The following KANK2 variants were observed in gnomAD, a reference collection of about 807,000 sequenced individuals.
KANK2 encodes KN motif and ankyrin repeat domains 2, also known as KN motif and ankyrin repeat domain-containing protein 2.
A neutral mutation model predicts 74.6 loss-of-function variants in KANK2; 41 were observed. That is an observed-to-expected ratio of 0.55 (90% CI 0.43 to 0.71). The LOEUF is 0.71. KANK2 is among the 30% of genes least tolerant of loss of function. KANK2 has a pLI of 0.00. For missense variants in KANK2, 1,148 were observed against 1,196.4 expected (o/e 0.96, Z 0.60); for synonymous variants, 537 against 519.0 (o/e 1.03, Z -0.47).
chr19:11,167,244 T>C (rs558864103), intron 12 of KANK2, among the ~76,000 whole-genome samples: 1 of 152,156 alleles, frequency 6.6e-6, no homozygotes, highest in South Asian at 2.1e-4. Context: ...TTTGCGTTTT[T>C]AGTAGAGATG....
intron 3 of KANK2, among the ~76,000 whole-genome samples, chr19:11,194,269 C>A (rs2078952153): frequency 1.3e-5 from 2 of 152,106 alleles, no homozygotes; most frequent in Admixed American, 6.6e-5. Context: ...GGGCTCTATC[C>A]CTCGGCTTAG....
chr19:11,189,268 T>C (rs1311470862), intron 4 of KANK2, among the ~76,000 whole-genome samples: 1 of 151,934 alleles, frequency 6.6e-6, no homozygotes, highest in African/African-American at 2.4e-5. Context: ...AATTGACATA[T>C]TAAAGCCTCA....
At chr19:11,197,181 G>A (rs1285028170) in intron 1 of KANK2, 1 of 152,618 alleles carries the variant, frequency 6.6e-6, no homozygotes. Flanking sequence ...AGGGGAGAGC[G>A]GGCAGAGGGG....
At chr19:11,171,528 CT>C (rs113234764) in intron 10 of KANK2, among the ~76,000 whole-genome samples, 61 of 76,564 alleles carry the variant, frequency 8.0e-4, no homozygotes, top group Admixed American at 1.8e-3. Context: ...ATTTCACCTT[CT>C]TTTTTTTTTT....
At position 11,193,928 on chromosome 19, in the gene KANK2, T is replaced by A; in HGVS notation, c.152A>T (p.Asp51Val). 1 of 1,613,884 alleles carries A rather than the reference T, an allele frequency of 6.2e-7. No individual in the cohort carries two copies. The highest frequency in any genetic ancestry group is 8.5e-7 in the Non-Finnish European group (1 of 1,179,990). ...RLDLDFLKYV[D>V]DIEKGHTLRR... is the part of the protein sequence containing the mutation. ...CAGCGTGTGGCCCTTCTCGATGTCATCCACGTACTTGAGGAAGTCCAGGTC... is the reference window on the plus strand; with the variant it reads ...CAGCGTGTGGCCCTTCTCGATGTCAACCACGTACTTGAGGAAGTCCAGGTC... Residue 51 changes from aspartate to valine, a missense_variant, in exon 4 of 13, where the codon GAT becomes GTT. Physicochemically the swap from Asp to Val is radical, Grantham distance 152. Coordinates refer to ENST00000586659, the MANE Select transcript of KANK2 (RefSeq NM_001136191.3). The surrounding 1 kb of genome is among the most constrained non-coding windows in gnomAD (Gnocchi z 9.6).
chr19:11,192,941 C>CG lies in KANK2; in HGVS notation c.1138dup (p.Arg380ProfsTer27). The CG allele has an allele frequency of 6.2e-7, 1 of 1,614,186 alleles. No individual in the cohort carries two copies. Among genetic ancestry groups the CG allele is most frequent in the Non-Finnish European group, 8.5e-7 (1 of 1,180,024 alleles). ...CATTGTCTCCACCACCTCCTGGCTG[C>CG]GGAACACAGGTGGGCTCTCAGGCCT... On this transcript the variant is annotated frameshift_variant, in exon 4 of 13. Coordinates refer to ENST00000586659, the MANE Select transcript of KANK2 (RefSeq NM_001136191.3). LOFTEE classifies it high-confidence loss of function.
intron 12 of KANK2, among the ~76,000 whole-genome samples, chr19:11,167,064 T>C (rs2078043227): frequency 1.3e-5 from 2 of 152,074 alleles, no homozygotes; most frequent in South Asian, 4.1e-4. Context: ...GGACCCTGGC[T>C]TTTTCTTTTC....
intron 4 of KANK2, among the ~76,000 whole-genome samples, chr19:11,184,816 CTTTTTTTTT>C (rs1298003696): frequency 7.3e-6 from 1 of 137,884 alleles, no homozygotes; most frequent in Non-Finnish European, 1.6e-5. Context: ...TCTTTTTTTT[CTTTTTTTTT>C]TTTGAGATGA....
At chr19:11,174,328 G>T in intron 9 of KANK2, 145 bp downstream of exon 9, 1 of 681,304 alleles carries the variant, frequency 1.5e-6, no homozygotes. Flanking sequence ...CTGGGAGAGA[G>T]GTGTTCCCTC....
intron 4 of KANK2, among the ~76,000 whole-genome samples, chr19:11,179,672 TA>T (rs2078455969): frequency 6.7e-6 from 1 of 150,342 alleles, no homozygotes; most frequent in Non-Finnish European, 1.5e-5. Context: ...ACATCCTGAC[TA>T]AAAAAACGAA....
chr19:11,175,730 G>A (rs1453755220), intron 8 of KANK2, among the ~76,000 whole-genome samples, 172 bp downstream of exon 8: 1 of 152,138 alleles, frequency 6.6e-6, no homozygotes, highest in Non-Finnish European at 1.5e-5. Context: ...CATCTCCCTG[G>A]CCTCTCTCCG....
rs145753775 is a variant in KANK2, at chr19:11,191,741, C to A, written c.1249+1090G>T. 4.5e-3 allele frequency among the ~76,000 whole-genome samples: 690 copies of A among 152,310 alleles called. 5 individuals are homozygous for A. The highest frequency in any genetic ancestry group is 0.016 in the African/African-American group (650 of 41,564). On this transcript the variant is annotated intron_variant, in intron 4 of 12. Transcript: ENST00000586659. ...CCCAGGGAAAACAAGAAGAGAAAGG[C>A]ACCAAGTTAGATTCCTGATGATATC...
chr19:11,181,829 A>G (rs1250434563), intron 4 of KANK2, among the ~76,000 whole-genome samples: 1 of 152,086 alleles, frequency 6.6e-6, no homozygotes, highest in Non-Finnish European at 1.5e-5. Flanking sequence ...TCCCCAACAA[A>G]TACAAGAAAA....
chr19:11,181,035 C>T (rs1026916692), intron 4 of KANK2, among the ~76,000 whole-genome samples: 8 of 127,372 alleles, frequency 6.3e-5, no homozygotes, highest in African/African-American at 1.8e-4. Context: ...TGCAGTGAGC[C>T]GAGATCATGC....
chr19:11,166,355 G>C lies in KANK2; in HGVS notation c.*203C>G, dbSNP rs932570587. ...TCTGCGCTGTGGCCACTTTGAACAG[G>C]GGAGCCAAGAAAACCCACTTGGAGC... On this transcript the variant is annotated 3_prime_UTR_variant, in exon 13 of 13. Transcript: ENST00000586659. 1 of 579,084 alleles carries C rather than the reference G, an allele frequency of 1.7e-6. No homozygotes were observed. Among genetic ancestry groups the C allele is most frequent in the African/African-American group, 1.9e-5 (1 of 53,284 alleles). The allele number at this position is 579,084 out of a possible 1,614,324, so 35.9% of individuals were successfully genotyped here.
chr19:11,190,207 C>T (rs955513498), intron 4 of KANK2, among the ~76,000 whole-genome samples: 1 of 151,976 alleles, frequency 6.6e-6, no homozygotes, highest in African/African-American at 2.4e-5. Flanking sequence ...CGACCTCGGC[C>T]CAATGCAACC....
chr19:11,193,346 C>A lies in KANK2; in HGVS notation c.734G>T (p.Arg245Leu). 2 of 1,612,470 alleles carry A rather than the reference C, an allele frequency of 1.2e-6. No homozygotes were observed. The highest frequency in any genetic ancestry group is 1.7e-4 in the Middle Eastern group (1 of 6,060). ...FLGHPTAGRG[R>L]SELCLDLPDP... ...GGGGAGGTCCAGGCAGAGCTCGCTG[C>A]GACCCCGGCCCGCTGTGGGGTGGCC... Residue 245 changes from arginine (R) to leucine (L), a missense_variant, in exon 4 of 13, where the codon CGC (arginine) becomes CTC (leucine). Coordinates refer to ENST00000586659, the MANE Select transcript of KANK2 (RefSeq NM_001136191.3). The surrounding 1 kb of genome is among the most constrained non-coding windows in gnomAD (Gnocchi z 9.6).
Position 11,170,731 on chromosome 19 carries a change from C to T in KANK2, c.2212-483G>A, listed in dbSNP as rs1309069266. Among the ~76,000 whole-genome samples, 6 of 152,218 alleles carry T rather than the reference C, an allele frequency of 3.9e-5. No homozygotes were observed. Among genetic ancestry groups the T allele is most frequent in the Non-Finnish European group, 7.3e-5 (5 of 68,044 alleles). On this transcript the variant is annotated intron_variant, in intron 10 of 12. Coordinates refer to ENST00000586659, the MANE Select transcript of KANK2 (RefSeq NM_001136191.3). This position sits in a 1 kb window ranked among gnomAD's most constrained non-coding sequence, Gnocchi z 5.2. ...TCAGCCTCCCGAGTAGCTGAGACTA[C>T]AGGCATGCGCCACAATGCCTGGCTA...
In KANK2 at chr19:11,176,397, C is replaced by G. The variant is rs74179971; in HGVS notation, c.1760+181G>C. On this transcript the variant is annotated intron_variant, in intron 7 of 12. Transcript: ENST00000586659. The stretch of plus-strand genomic sequence containing the variant: ...GGCAGCCCAAAATAGTTCCACCAGG[C>G]CCTTTAGCAAAGCCTCCAGAACTTC... 0.071 allele frequency among the ~76,000 whole-genome samples: 10,851 copies of G among 152,290 alleles called. 455 individuals carry two copies. Among genetic ancestry groups the G allele is most frequent in the Admixed American group, 0.092 (1,402 of 15,292 alleles).
Sources: gnomAD v4.1 joint callset for allele counts (sites outside exome capture counted in the v4.1 genomes callset) on GRCh38, gnomAD v4.1.1 for gene constraint, Gnocchi (gnomAD v3.1) non-coding constraint, MANE v1.5 for transcripts, NCBI Gene and HGNC (gene_info 2026-07-23, HGNC 2026-07-21) for gene names.